The following SDCCAG8 variants were observed in gnomAD, a reference collection of about 807,000 sequenced individuals.
The protein encoded by SDCCAG8 is serologically defined colon cancer antigen 8.
A neutral mutation model predicts 101.8 loss-of-function variants in SDCCAG8; 74 were observed. That is an observed-to-expected ratio of 0.73 (90% CI 0.60 to 0.88). The LOEUF (loss-of-function observed/expected upper bound fraction) is 0.88, where lower values mean the gene tolerates loss of function less well. SDCCAG8 is among the 40% of genes least tolerant of loss of function. The pLI, the probability that SDCCAG8 is intolerant of heterozygous loss-of-function variation, is 0.00. For synonymous variants in SDCCAG8, 281 were observed against 292.9 expected, an observed-to-expected ratio of 0.96 and a Z score of 0.41; for missense variants, 787 against 822.6, an observed-to-expected ratio of 0.96 and a Z score of 0.53.
At chr1:243,348,497 T>G (rs2075877419) in intron 12 of SDCCAG8, among the ~76,000 whole-genome samples, 1 of 151,624 alleles carries the variant, frequency 6.6e-6, no homozygotes, top group Non-Finnish European at 1.5e-5. Context: ...CATACGCACC[T>G]CCCCCAGTGC....
chr1:243,281,562 A>G (rs534879179), intron 4 of SDCCAG8, among the ~76,000 whole-genome samples: 1 of 151,944 alleles, frequency 6.6e-6, no homozygotes, highest in African/African-American at 2.4e-5. Flanking sequence ...TGATTGGATC[A>G]ATGTATAACA....
intron 1 of SDCCAG8, among the ~76,000 whole-genome samples, chr1:243,268,604 A>G (rs886356481): frequency 6.6e-6 from 1 of 152,236 alleles, no homozygotes; most frequent in Non-Finnish European, 1.5e-5. Flanking sequence ...CTGACCTGAA[A>G]TACATGTTTT....
intron 16 of SDCCAG8, among the ~76,000 whole-genome samples, chr1:243,466,886 A>G (rs1660260864): frequency 6.6e-6 from 1 of 152,246 alleles, no homozygotes; most frequent in South Asian, 2.1e-4. Flanking sequence ...TATTAAATTA[A>G]TGAGAGGCAG....
intron 15 of SDCCAG8, among the ~76,000 whole-genome samples, chr1:243,419,379 C>T (rs761300899): frequency 6.6e-6 from 1 of 152,088 alleles, no homozygotes; most frequent in Non-Finnish European, 1.5e-5. Flanking sequence ...TTGATTTGCA[C>T]CACATAGATC....
intron 13 of SDCCAG8, among the ~76,000 whole-genome samples, chr1:243,385,763 A>T (rs1479528361): frequency 6.6e-6 from 1 of 152,106 alleles, no homozygotes; most frequent in Non-Finnish European, 1.5e-5. Flanking sequence ...TGAGGTCAGG[A>T]GTTCGAGACC....
intron 12 of SDCCAG8, among the ~76,000 whole-genome samples, chr1:243,377,405 TAAAG>T (rs2077660226): frequency 1.3e-5 from 2 of 152,128 alleles, no homozygotes; most frequent in Middle Eastern, 3.5e-3. Flanking sequence ...CACAGTATTT[TAAAG>T]AAATAAGTCA....
chr1:243,348,764 G>A (rs967991903), intron 12 of SDCCAG8, among the ~76,000 whole-genome samples: 1 of 150,978 alleles, frequency 6.6e-6, no homozygotes, highest in African/African-American at 2.4e-5. Flanking sequence ...CCTGAGGTCG[G>A]GAGTTTGAGA....
rs77340665 is a variant in SDCCAG8, at chr1:243,375,905, G to A, written c.1474-2816G>A. 5.8e-3 allele frequency among the ~76,000 whole-genome samples: 876 copies of A among 152,234 alleles called. 15 individuals are homozygous for A. Among genetic ancestry groups the A allele is most frequent in the African/African-American group, 0.019 (801 of 41,564 alleles). Reference sequence around the variant, plus strand: ...CTCAGGGAGTAAGTGTTGAGCCCTGGTCCAGCTGGTTAGATTATTTGTTGA... The same window carrying A: ...CTCAGGGAGTAAGTGTTGAGCCCTGATCCAGCTGGTTAGATTATTTGTTGA... On this transcript the variant is annotated intron_variant, in intron 12 of 17. Coordinates refer to ENST00000366541, the MANE Select transcript of SDCCAG8 (RefSeq NM_006642.5).
At chr1:243,431,563 C>T (rs914168357) in intron 16 of SDCCAG8, among the ~76,000 whole-genome samples, 2 of 152,232 alleles carry the variant, frequency 1.3e-5, no homozygotes, top group African/African-American at 4.8e-5. Flanking sequence ...GTTGTAAAAA[C>T]GAAGAAAGTT....
Position 243,308,183 on chromosome 1 carries a change from T to C in SDCCAG8, c.929+6T>C, listed in dbSNP as rs949556945. On this transcript the variant is annotated splice_donor_region_variant and intron_variant, in intron 8 of 17. Transcript: ENST00000366541. ...ACCATCGAAAGACTGGTTAAGTAAG[T>C]ATGCTTCTACGCGCACGGAGACTTT... The C allele has an allele frequency of 6.2e-7, 1 of 1,613,978 alleles. No homozygotes were observed. Among genetic ancestry groups the C allele is most frequent in the African/African-American group, 1.3e-5 (1 of 74,950 alleles).
chr1:243,256,399 T>C (rs753035990), intron 1 of SDCCAG8, among the ~76,000 whole-genome samples, 159 bp downstream of exon 1: 4 of 152,216 alleles, frequency 2.6e-5, no homozygotes, highest in Non-Finnish European at 5.9e-5. Flanking sequence ...TGAAATAGTT[T>C]GATTTAGTTT....
intron 4 of SDCCAG8, among the ~76,000 whole-genome samples, chr1:243,281,201 T>A (rs997599605): frequency 6.6e-6 from 1 of 152,196 alleles, no homozygotes; most frequent in Non-Finnish European, 1.5e-5. Flanking sequence ...TCCAACTTTC[T>A]ATTGATTAGT....
At chr1:243,461,031 G>T (rs1367331483) in intron 16 of SDCCAG8, among the ~76,000 whole-genome samples, 3 of 152,108 alleles carry the variant, frequency 2.0e-5, no homozygotes, top group Non-Finnish European at 4.4e-5. Context: ...CTGCCTTACG[G>T]GTACACATTT....
chr1:243,332,887 G>A (rs574028886), intron 10 of SDCCAG8, among the ~76,000 whole-genome samples: 5 of 152,034 alleles, frequency 3.3e-5, no homozygotes, highest in African/African-American at 7.2e-5. Flanking sequence ...GGTGATTATC[G>A]TAGTCCAGGT....
intron 6 of SDCCAG8, among the ~76,000 whole-genome samples, chr1:243,294,114 T>A (rs1466514931): frequency 6.6e-6 from 1 of 152,204 alleles, no homozygotes; most frequent in Non-Finnish European, 1.5e-5. Flanking sequence ...CTGATGTCTG[T>A]GGTTTCTCGA....
intron 16 of SDCCAG8, among the ~76,000 whole-genome samples, chr1:243,480,795 T>G (rs1449737058): frequency 2.5e-3 from 43 of 17,226 alleles, no homozygotes; most frequent in African/African-American, 4.0e-3. Context: ...ATGGGTGGGA[T>G]GGATGGATGG....
At position 243,330,633 on chromosome 1, in the gene SDCCAG8, A is replaced by G. The variant is rs764917637; in HGVS notation, c.1162A>G (p.Ile388Val). The G allele has an allele frequency of 1.4e-5, 22 of 1,614,046 alleles. No homozygotes were observed. The highest frequency in any genetic ancestry group is 1.8e-5 in the Non-Finnish European group (21 of 1,180,026). ...ELASQQEKRA[I>V]EKDMMKKEIT... ...TGCATCTCAGCAAGAGAAAAGGGCC[A>G]TTGAGAAAGACATGATGAAAAAGGA... Residue 388 changes from isoleucine (I) to valine (V), a missense_variant, in exon 10 of 18, where the codon ATT becomes GTT. By Grantham distance (29) the Ile-to-Val change is conservative. Coordinates refer to ENST00000366541, the MANE Select transcript of SDCCAG8 (RefSeq NM_006642.5).
chr1:243,418,224 G>A lies in SDCCAG8; in HGVS notation c.1853+148G>A. On this transcript the variant is annotated intron_variant, in intron 15 of 17. Coordinates refer to ENST00000366541, the MANE Select transcript of SDCCAG8 (RefSeq NM_006642.5). ...TTCTTTGAAAATATTTTCTACATAT[G>A]GACATTTTCTTAATTGTCTATACGC... 3 of 657,296 alleles carry A rather than the reference G, an allele frequency of 4.6e-6. No individual in the cohort carries two copies. In the South Asian group the frequency reaches 5.2e-5, roughly 11 times the overall value. The allele number at this position is 657,296 out of a possible 1,614,324, so 40.7% of individuals were successfully genotyped here.
chr1:243,281,019 G>A (rs2068986616), intron 4 of SDCCAG8, among the ~76,000 whole-genome samples: 1 of 152,142 alleles, frequency 6.6e-6, no homozygotes, highest in Non-Finnish European at 1.5e-5. Context: ...GTGGATTCAT[G>A]TGTTTTCCTT....
Sources: gnomAD v4.1 joint callset for allele counts (sites outside exome capture counted in the v4.1 genomes callset) on GRCh38, gnomAD v4.1.1 for gene constraint, MANE v1.5 for transcripts, NCBI Gene and HGNC (gene_info 2026-07-23, HGNC 2026-07-21) for gene names.